Variants in SUMF1 observed in about 807,000 individuals in gnomAD.
SUMF1 encodes the protein formylglycine-generating enzyme.
SUMF1 carries 48 observed loss-of-function variants against 47.6 expected under a neutral mutation model. The observed-to-expected ratio is 1.01, with a 90% CI of 0.80 to 1.28. SUMF1 has a LOEUF of 1.28. Among genes scored for constraint, SUMF1 ranks in the 50% most tolerant of loss-of-function variants. The pLI is 0.00. For missense variants in SUMF1, 571 were observed against 485.4 expected (o/e 1.18, Z -1.66); for synonymous variants, 230 against 192.1 (o/e 1.20, Z -1.63).
intron 8 of SUMF1, among the ~76,000 whole-genome samples, chr3:4,099,601 T>A (rs1692984998): frequency 6.6e-6 from 1 of 152,070 alleles, no homozygotes. Context: ...GTACTAGAAG[T>A]CCTAGCCAGA....
chr3:4,201,969 T>C (rs1476447606), intron 8 of SUMF1, among the ~76,000 whole-genome samples: 1 of 152,046 alleles, frequency 6.6e-6, no homozygotes, highest in East Asian at 1.9e-4. Flanking sequence ...TTTTTCCTAT[T>C]GAGTTGTTTC....
intron 8 of SUMF1, among the ~76,000 whole-genome samples, chr3:4,218,129 G>A (rs763761869): frequency 5.3e-5 from 8 of 151,956 alleles, no homozygotes; most frequent in East Asian, 3.9e-4. Flanking sequence ...AAATAGACAC[G>A]CAGGGAAGAT....
At chr3:4,085,682 T>G (rs1007674713) in intron 8 of SUMF1, among the ~76,000 whole-genome samples, 29 of 152,130 alleles carry the variant, frequency 1.9e-4, no homozygotes, top group African/African-American at 7.0e-4. Flanking sequence ...TGGCCAGAAC[T>G]GATGTCATAT....
At chr3:4,134,104 T>C (rs1693860936) in intron 8 of SUMF1, among the ~76,000 whole-genome samples, 1 of 152,138 alleles carries the variant, frequency 6.6e-6, no homozygotes, top group Non-Finnish European at 1.5e-5. Flanking sequence ...AACTCAGCTC[T>C]GCACCACGCA....
At chr3:4,180,253 A>G (rs1695063756) in intron 8 of SUMF1, among the ~76,000 whole-genome samples, 1 of 152,220 alleles carries the variant, frequency 6.6e-6, no homozygotes, top group Non-Finnish European at 1.5e-5. Context: ...ACGTATGTTT[A>G]TTGCGGCACT....
At chr3:4,317,871 T>G (rs1559222551) in intron 8 of SUMF1, among the ~76,000 whole-genome samples, 1 of 152,196 alleles carries the variant, frequency 6.6e-6, no homozygotes, top group Non-Finnish European at 1.5e-5. Flanking sequence ...ATTATTAGTC[T>G]TGAGAACTGT....
chr3:4,232,509 C>T (rs1559593497), intron 8 of SUMF1, among the ~76,000 whole-genome samples: 1 of 151,850 alleles, frequency 6.6e-6, no homozygotes, highest in African/African-American at 2.4e-5. Flanking sequence ...ATTTACCCTC[C>T]CAGCAATACT....
intron 8 of SUMF1, among the ~76,000 whole-genome samples, chr3:4,259,965 G>A (rs768252739): frequency 3.7e-4 from 56 of 151,308 alleles, no homozygotes; most frequent in Non-Finnish European, 6.9e-4. Context: ...GTTGTCGTGA[G>A]TTAGAAAGTC....
chr3:4,126,092 T>TAA (rs34859048), intron 8 of SUMF1, among the ~76,000 whole-genome samples: 17 of 150,636 alleles, frequency 1.1e-4, no homozygotes, highest in Admixed American at 3.3e-4. Flanking sequence ...TCCTTTCAAA[T>TAA]AAAAAAAAAT....
chr3:4,292,687 C>T (rs1191306684), intron 8 of SUMF1, among the ~76,000 whole-genome samples: 1 of 152,196 alleles, frequency 6.6e-6, no homozygotes. Context: ...TTCATCTGAA[C>T]AGGTACTGCC....
At chr3:4,107,770 A>G (rs1183554297) in intron 8 of SUMF1, among the ~76,000 whole-genome samples, 2 of 152,126 alleles carry the variant, frequency 1.3e-5, no homozygotes, top group African/African-American at 4.8e-5. Context: ...ATGAGCTATG[A>G]AGGCATCACT....
At chr3:4,264,008 T>C (rs1040597608) in intron 8 of SUMF1, among the ~76,000 whole-genome samples, 1 of 152,196 alleles carries the variant, frequency 6.6e-6, no homozygotes, top group Non-Finnish European at 1.5e-5. Context: ...ATTACGCACA[T>C]AACATTTTCT....
At chr3:4,174,870 A>G (rs1365837635) in intron 8 of SUMF1, among the ~76,000 whole-genome samples, 3 of 152,212 alleles carry the variant, frequency 2.0e-5, no homozygotes, top group Non-Finnish European at 4.4e-5. Flanking sequence ...ACCAGCAGAC[A>G]AGGTGATTCT....
chr3:4,392,334 C>G (rs1324678937), intron 7 of SUMF1, among the ~76,000 whole-genome samples: 1 of 151,896 alleles, frequency 6.6e-6, no homozygotes, highest in African/African-American at 2.4e-5. Context: ...AGCAACTATT[C>G]AAATATACTT....
rs772102647 is a variant in SUMF1, at chr3:4,303,703, C to G, written c.1014+72627G>C. The G allele has an allele frequency of 8.0e-6, 12 of 1,501,764 alleles. No homozygotes were observed. The South Asian group carries it at 1.2e-4, about 15-fold the overall frequency. 93.0% of individuals were successfully genotyped at this position (1,501,764 alleles called of 1,614,324 possible). A position where few individuals can be genotyped will look rare whatever the true frequency, so the allele number is the denominator to read the frequency against. On this transcript the variant is annotated intron_variant and NMD_transcript_variant, in intron 8 of 12. Transcript: ENST00000448413. Reference sequence around the variant, plus strand: ...CGGCCTGGGCCTTTTTCTGTTGACCCACGGCATCACCTTAGCAAGGGTGTT... The same window carrying G: ...CGGCCTGGGCCTTTTTCTGTTGACCGACGGCATCACCTTAGCAAGGGTGTT...
intron 6 of SUMF1, among the ~76,000 whole-genome samples, chr3:4,411,705 GAAAAAAAA>G (rs35731250): frequency 1.8e-5 from 2 of 114,250 alleles, no homozygotes; most frequent in Non-Finnish European, 3.6e-5. Flanking sequence ...AGAGCAGGAG[GAAAAAAAA>G]AAAAAAAAAA....
At chr3:4,109,331 G>A (rs1473383348) in intron 8 of SUMF1, among the ~76,000 whole-genome samples, 2 of 152,066 alleles carry the variant, frequency 1.3e-5, no homozygotes, top group Non-Finnish European at 2.9e-5. Flanking sequence ...TGGGTAACCC[G>A]ACCTTTCTCT....
At chr3:4,267,615 GC>G in intron 8 of SUMF1, among the ~76,000 whole-genome samples, 1 of 152,084 alleles carries the variant, frequency 6.6e-6, no homozygotes, top group East Asian at 1.9e-4. Flanking sequence ...CATTTATGCA[GC>G]CAAAAAACAC....
chr3:4,238,831 A>T (rs560938465), intron 8 of SUMF1, among the ~76,000 whole-genome samples: 6 of 152,254 alleles, frequency 3.9e-5, no homozygotes, highest in Non-Finnish European at 7.4e-5. Context: ...TTGGTGTTTT[A>T]GTCATGAAGT....
Sources: allele counts gnomAD v4.1 joint callset (sites outside exome capture counted in the v4.1 genomes callset), GRCh38; gene constraint gnomAD v4.1.1; transcripts MANE v1.5; gene names NCBI Gene and HGNC (gene_info 2026-07-23, HGNC 2026-07-21).